MAPK8IP3: variants seen among roughly 807,000 people sequenced by gnomAD.
MAPK8IP3 encodes the protein mitogen-activated protein kinase 8 interacting protein 3.
In MAPK8IP3, 49 loss-of-function variants were observed where a neutral mutation model predicts 157.8. The observed-to-expected ratio is 0.31, with a 90% CI of 0.25 to 0.39. MAPK8IP3 has a LOEUF of 0.39. Ranked by LOEUF, MAPK8IP3 falls within the 10% of genes least tolerant of loss-of-function variation. MAPK8IP3 has a pLI of 1.00. For synonymous variants in MAPK8IP3, 897 were observed against 777.7 expected, an observed-to-expected ratio of 1.15 and a Z score of -2.55; for missense variants, 1,478 against 1,889.4, an observed-to-expected ratio of 0.78 and a Z score of 4.04.
At chr16:1,758,031 G>A in intron 8 of MAPK8IP3, 117 bp from the exon 9 acceptor site, 2 of 1,040,742 alleles carry the variant, frequency 1.9e-6, no homozygotes, top group Non-Finnish European at 3.0e-6. Flanking sequence ...CTGCAACATG[G>A]GAGCAGCCGA....
Position 1,706,707 on chromosome 16 carries a change from AGCCCCGG to A in MAPK8IP3, c.318+58_318+64del, listed in dbSNP as rs1222980666. 1 of 1,446,376 alleles carries A rather than the reference AGCCCCGG, an allele frequency of 6.9e-7. No individual in the cohort carries two copies. Among genetic ancestry groups the A allele is most frequent in the African/African-American group, 1.7e-5 (1 of 60,410 alleles). 89.6% of individuals were successfully genotyped at this position (1,446,376 alleles called of 1,614,324 possible). ...GCATCCCCGTCCCGGACCCCCAGCC[AGCCCCGG>A]GCCCCGGACCCAACACCCGTCCCGA... is the stretch of plus-strand genomic sequence containing the variant. On this transcript the variant is annotated intron_variant, in intron 1 of 31. Coordinates refer to ENST00000610761, the MANE Select transcript of MAPK8IP3 (RefSeq NM_001318852.2). The surrounding 1 kb of genome is among the most constrained non-coding windows in gnomAD (Gnocchi z 5.1).
chr16:1,766,472 G>T, intron 22 of MAPK8IP3, 57 bp from the exon 23 acceptor site: 3 of 1,602,956 alleles, frequency 1.9e-6, no homozygotes, highest in Middle Eastern at 1.7e-4. Context: ...GGGCCTCGGG[G>T]TCTTGGGGCA....
At chr16:1,739,141 C>T (rs562196835) in intron 4 of MAPK8IP3, among the ~76,000 whole-genome samples, 24 of 112,372 alleles carry the variant, frequency 2.1e-4, no homozygotes, top group African/African-American at 7.6e-4. Flanking sequence ...TGTGACCGTC[C>T]GTGTGTGTGA....
Position 1,717,601 on chromosome 16 carries a change from C to T in MAPK8IP3, c.319-6956C>T, listed in dbSNP as rs912681406. Among the ~76,000 whole-genome samples, 9 of 152,358 alleles carry T rather than the reference C, an allele frequency of 5.9e-5. No individual in the cohort carries two copies. In the East Asian group the frequency reaches 7.7e-4, roughly 13 times the overall value. On this transcript the variant is annotated intron_variant, in intron 1 of 31. Transcript: ENST00000610761. ...ACACGCTGCCCTGCAGCATGGATCA[C>T]GAGCACGTGTACAGAAACCTTTCAC...
At position 1,761,331 on chromosome 16, in the gene MAPK8IP3, TGCGGGGCGTCCACCATTCACTTTTCACAG is replaced by T. The variant is rs1567200389; in HGVS notation, c.1539+35_1539+63del. The T allele has an allele frequency of 7.5e-6, 12 of 1,598,160 alleles. No homozygotes were observed. In the Middle Eastern group the frequency reaches 5.0e-4, roughly 66 times the overall value. On this transcript the variant is annotated intron_variant, in intron 13 of 31. Transcript: ENST00000610761. Reference sequence around the variant, plus strand: ...GTACATCCACTCTTCACTCTTCACATGCGGGGCGTCCACCATTCACTTTTCACAGGCGGGGCGGCCACCGTTCACCATTC... The same window carrying T: ...GTACATCCACTCTTCACTCTTCACATGCGGGGCGGCCACCGTTCACCATTC...
intron 7 of MAPK8IP3, 40 bp from the exon 8 acceptor site, chr16:1,748,562 A>G: frequency 1.3e-6 from 2 of 1,539,312 alleles, no homozygotes; most frequent in Non-Finnish European, 1.8e-6. Context: ...CGGGCTGCCC[A>G]CTGACTCTGC....
rs1470775234 is a variant in MAPK8IP3 at position 1,706,906 on chromosome 16, C to T, written c.318+249C>T. Among the ~76,000 whole-genome samples, 33 of 150,786 alleles carry T rather than the reference C, an allele frequency of 2.2e-4. No individual in the cohort carries two copies. The highest frequency in any genetic ancestry group is 4.3e-4 in the Non-Finnish European group (29 of 67,528). On this transcript the variant is annotated intron_variant, in intron 1 of 31. Coordinates refer to ENST00000610761, the MANE Select transcript of MAPK8IP3 (RefSeq NM_001318852.2). The surrounding 1 kb of genome is among the most constrained non-coding windows in gnomAD (Gnocchi z 5.1). ...TCCCCCGCCTGCCCCGGGACCCCAC[C>T]CCGACTCCCGGGGACCCCCTTTTCC...
Position 1,758,972 on chromosome 16 carries a change from C to A in MAPK8IP3, c.1229-6C>A, listed in dbSNP as rs1333204019. On this transcript the variant is annotated splice_polypyrimidine_tract_variant and splice_region_variant and intron_variant, in intron 9 of 31. Transcript: ENST00000610761. ...CATCTCCTGTGGGACGGGGACGGCT[C>A]CCTAGTGCGCGATGATTTCTTTGGT... 1 of 1,614,068 alleles carries A rather than the reference C, an allele frequency of 6.2e-7. No individual in the cohort carries two copies. Among genetic ancestry groups the A allele is most frequent in the African/African-American group, 1.3e-5 (1 of 74,948 alleles).
intron 8 of MAPK8IP3, among the ~76,000 whole-genome samples, chr16:1,753,445 A>ATT (rs199784594): frequency 3.7e-4 from 55 of 149,110 alleles, no homozygotes; most frequent in South Asian, 8.6e-4. Flanking sequence ...TTATTTATTT[A>ATT]TTTATTTATT....
chr16:1,764,763 C>T (rs2141942577), intron 19 of MAPK8IP3, among the ~76,000 whole-genome samples: 1 of 152,288 alleles, frequency 6.6e-6, no homozygotes, highest in Non-Finnish European at 1.5e-5. Context: ...TGGTGGGAGG[C>T]TTAGTTTTAT....
chr16:1,723,612 T>G (rs566003136), intron 1 of MAPK8IP3, among the ~76,000 whole-genome samples: 1 of 152,176 alleles, frequency 6.6e-6, no homozygotes, highest in African/African-American at 2.4e-5. Flanking sequence ...AGAGCGAGAC[T>G]CTCTCTTAAA....
chr16:1,759,562 C>T (rs1011885450), intron 10 of MAPK8IP3, among the ~76,000 whole-genome samples: 2 of 152,198 alleles, frequency 1.3e-5, no homozygotes, highest in African/African-American at 4.8e-5. Context: ...CTGGCCCTGC[C>T]GTGAGGGCCA....
At chr16:1,764,780 C>T (rs1280447968) in intron 19 of MAPK8IP3, among the ~76,000 whole-genome samples, 1 of 152,184 alleles carries the variant, frequency 6.6e-6, no homozygotes. Context: ...TTATGCCCAG[C>T]TTGGGCCTCT....
intron 1 of MAPK8IP3, among the ~76,000 whole-genome samples, chr16:1,721,418 T>C (rs1193397611): frequency 6.6e-6 from 1 of 152,128 alleles, no homozygotes; most frequent in East Asian, 1.9e-4. Flanking sequence ...CTGGGCAATA[T>C]AGTGAGATCC....
chr16:1,744,246 C>CG, intron 5 of MAPK8IP3: 1 of 985,628 alleles, frequency 1.0e-6, no homozygotes, highest in Non-Finnish European at 1.2e-6. Context: ...GTGGATTTCC[C>CG]ACAGGGGCCG....
rs2141733407 is a variant in MAPK8IP3 at position 1,729,534 on chromosome 16, G to C, written c.558G>C (p.Gln186His). 1 of 1,612,168 alleles carries C rather than the reference G, an allele frequency of 6.2e-7. No individual in the cohort carries two copies. Among genetic ancestry groups the C allele is most frequent in the East Asian group, 2.2e-5 (1 of 44,846 alleles). ...ACATTGAGAGGTCCAAGATGCAGCA[G>C]GTCGGAGGAAACAGCCAGACCGAGA... ...VEHIERSKMQ[Q>H]VGGNSQTESS... is the part of the protein sequence containing the mutation. The change falls in exon 4 of 32, where the codon CAG (glutamine) becomes CAC (histidine). Residue 186 changes from glutamine (Q) to histidine (H), a missense_variant. Coordinates refer to ENST00000610761, the MANE Select transcript of MAPK8IP3 (RefSeq NM_001318852.2).
At chr16:1,765,531 G>A (rs975532727) in intron 20 of MAPK8IP3, among the ~76,000 whole-genome samples, 1 of 152,230 alleles carries the variant, frequency 6.6e-6, no homozygotes, top group African/African-American at 2.4e-5. Context: ...AAGGGGCTAT[G>A]GGGGTGTGGG....
intron 4 of MAPK8IP3, among the ~76,000 whole-genome samples, chr16:1,739,196 G>C (rs367824117): frequency 8.0e-6 from 1 of 125,052 alleles, no homozygotes; most frequent in Non-Finnish European, 1.6e-5. Context: ...CCGTGTGACC[G>C]TCCGTGTGAG....
At chr16:1,732,215 C>T (rs1244122941) in intron 4 of MAPK8IP3, among the ~76,000 whole-genome samples, 1 of 152,212 alleles carries the variant, frequency 6.6e-6, no homozygotes, top group Non-Finnish European at 1.5e-5. Context: ...AAGCTGCCGT[C>T]CTACAGAGCT....
Sources: allele counts gnomAD v4.1 joint callset (sites outside exome capture counted in the v4.1 genomes callset), GRCh38; gene constraint gnomAD v4.1.1; non-coding constraint Gnocchi (gnomAD v3.1); transcripts MANE v1.5; gene names NCBI Gene and HGNC (gene_info 2026-07-23, HGNC 2026-07-21).